SPMAP2: variants seen among roughly 807,000 people sequenced by gnomAD.
The protein encoded by SPMAP2 is sperm microtubule associated protein 2.
chr19:362,113 C>T, the SPMAP2 span: 26 of 1,030,856 alleles, frequency 2.5e-5, no homozygotes, highest in South Asian at 8.7e-5. Flanking sequence ...CCTTCTAGCC[C>T]GCCCTCCCTT....
the SPMAP2 span, among the ~76,000 whole-genome samples, chr19:368,970 C>CA: frequency 6.6e-6 from 1 of 152,190 alleles, no homozygotes; most frequent in Non-Finnish European, 1.5e-5. This position sits in a 1 kb window ranked among gnomAD's most constrained non-coding sequence, Gnocchi z 4.1. Flanking sequence ...AGCCGTTGCT[C>CA]AGACAAGTGG....
At chr19:374,266 C>T in the SPMAP2 span, 2 of 1,609,678 alleles carry the variant, frequency 1.2e-6, no homozygotes, top group Middle Eastern at 1.7e-4. Context: ...GCCCACGCTG[C>T]CCCTACGAGG....
the SPMAP2 span, chr19:367,147 T>G: frequency 6.2e-7 from 1 of 1,612,584 alleles, no homozygotes; most frequent in East Asian, 2.2e-5. Flanking sequence ...AGAGGGTGGC[T>G]GGGGCCTTCG....
At chr19:375,573 G>T in the SPMAP2 span, 1 of 1,339,298 alleles carries the variant, frequency 7.5e-7, no homozygotes, top group Non-Finnish European at 1.0e-6. Flanking sequence ...CGACCCTTTC[G>T]CCCGCCCAGG....
chr19:374,371 C>G, the SPMAP2 span: 1 of 1,614,142 alleles, frequency 6.2e-7, no homozygotes, highest in Non-Finnish European at 8.5e-7. Context: ...CCTCCTCTTC[C>G]TTGCTTTGGT....
the SPMAP2 span, among the ~76,000 whole-genome samples, chr19:371,675 C>T: frequency 6.6e-6 from 1 of 152,178 alleles, no homozygotes; most frequent in Admixed American, 6.6e-5. Flanking sequence ...CTTCTCTACA[C>T]ACCCCCATCA....
chr19:362,297 AG>A, the SPMAP2 span: 1 of 1,606,854 alleles, frequency 6.2e-7, no homozygotes, highest in Non-Finnish European at 8.5e-7. Flanking sequence ...TCCCTCGTTG[AG>A]GCCCTTGCGC....
the SPMAP2 span, chr19:362,245 TG>T: frequency 6.3e-7 from 1 of 1,574,884 alleles, no homozygotes; most frequent in Non-Finnish European, 8.6e-7. Context: ...GTGATGCTTT[TG>T]GGGGTGGCAA....
At chr19:362,574 C>T in the SPMAP2 span, 273 of 554,700 alleles carry the variant, frequency 4.9e-4, 1 homozygote, top group African/African-American at 5.0e-3. Context: ...TAGAGATCAG[C>T]CTGGCCAACA....
chr19:374,582 A>AAAGAGAGCGGCTCCTGCCTC, the SPMAP2 span: 1 of 1,005,256 alleles, frequency 9.9e-7, no homozygotes. Context: ...GGACTTTGGC[A>AAAGAGAGCGGCTCCTGCCTC]CCACGAAGGC....
At chr19:369,388 G>A in the SPMAP2 span, among the ~76,000 whole-genome samples, 72 of 151,644 alleles carry the variant, frequency 4.7e-4, no homozygotes, top group African/African-American at 1.7e-3. Context: ...GCAGGCCTGA[G>A]CTTCCACTCC....
chr19:375,852 C>T, the SPMAP2 span: 93 of 1,601,110 alleles, frequency 5.8e-5, no homozygotes, highest in South Asian at 7.9e-5. Context: ...TGTGACCCGC[C>T]GGCTCTCGTA....
chr19:373,998 C>T, the SPMAP2 span: 115 of 1,613,410 alleles, frequency 7.1e-5, no homozygotes, highest in Non-Finnish European at 9.2e-5. Flanking sequence ...TACCCCTTAC[C>T]ACAGCGTCCC....
the SPMAP2 span, chr19:373,855 G>T: frequency 8.0e-7 from 1 of 1,254,538 alleles, no homozygotes; most frequent in Non-Finnish European, 1.1e-6. Flanking sequence ...CTGGAGAGAG[G>T]AGGGTGGCTG....
the SPMAP2 span, chr19:362,049 G>A: frequency 3.3e-5 from 16 of 492,210 alleles, no homozygotes; most frequent in South Asian, 6.6e-5. Context: ...AGCTGGACAA[G>A]TCGCAGGTTG....
chr19:372,236 G>A, the SPMAP2 span, among the ~76,000 whole-genome samples: 1 of 152,252 alleles, frequency 6.6e-6, no homozygotes, highest in Non-Finnish European at 1.5e-5. Flanking sequence ...AACAAGCACA[G>A]GGGCTGTAAG....
At chr19:376,016 C>T in the SPMAP2 span, 1 of 1,380,622 alleles carries the variant, frequency 7.2e-7, no homozygotes, top group Non-Finnish European at 9.3e-7. Flanking sequence ...TCCCGGCACC[C>T]AAATGTGTCT....
the SPMAP2 span, among the ~76,000 whole-genome samples, chr19:369,528 G>A: frequency 6.6e-6 from 1 of 152,126 alleles, no homozygotes; most frequent in Non-Finnish European, 1.5e-5. Context: ...ATGCAAGACG[G>A]TGGCCAAGAT....
chr19:370,918 T>A, the SPMAP2 span, among the ~76,000 whole-genome samples: 3 of 152,160 alleles, frequency 2.0e-5, no homozygotes, highest in African/African-American at 7.2e-5. Flanking sequence ...CGGCCTGAGC[T>A]GGGGCGAGAG....
Sources: allele counts gnomAD v4.1 joint callset (sites outside exome capture counted in the v4.1 genomes callset), GRCh38; gene constraint gnomAD v4.1.1; non-coding constraint Gnocchi (gnomAD v3.1); transcripts MANE v1.5; gene names NCBI Gene and HGNC (gene_info 2026-07-23, HGNC 2026-07-21).